Variants in NEBL observed in about 807,000 individuals in gnomAD.
NEBL encodes nebulette, also known as LIM and SH3 protein 2.
A neutral mutation model predicts 140.2 loss-of-function variants in NEBL; 122 were observed. The ratio of observed to expected loss-of-function variants is 0.87; its 90% CI spans 0.75 to 1.01. The LOEUF is 1.01. Among genes scored for constraint, NEBL ranks in the 50% least tolerant of loss-of-function variants. The pLI is 0.00. For missense variants in NEBL, 1,365 were observed against 1,231.3 expected, an observed-to-expected ratio of 1.11 and a Z score of -1.62; for synonymous variants, 436 against 398.9, an observed-to-expected ratio of 1.09 and a Z score of -1.11.
At chr10:21,045,650 A>G (rs1187479755) in intron 2 of NEBL, among the ~76,000 whole-genome samples, 1 of 152,234 alleles carries the variant, frequency 6.6e-6, no homozygotes, top group Non-Finnish European at 1.5e-5. Context: ...GGGAAATTCA[A>G]ATTAAAACCA....
chr10:20,947,452 T>C (rs1042952264), intron 4 of NEBL, among the ~76,000 whole-genome samples: 1 of 152,104 alleles, frequency 6.6e-6, no homozygotes, highest in Non-Finnish European at 1.5e-5. Flanking sequence ...TAGGACAACA[T>C]TCCCCTCCCC....
At chr10:21,231,488 G>A (rs1228168061) in intron 3 of NEBL, among the ~76,000 whole-genome samples, 1 of 151,956 alleles carries the variant, frequency 6.6e-6, no homozygotes, top group Admixed American at 6.6e-5. Flanking sequence ...GCAATGAGCC[G>A]AGATGGCGCC....
intron 2 of NEBL, among the ~76,000 whole-genome samples, chr10:21,047,282 C>T (rs1471605083): frequency 6.6e-6 from 1 of 152,206 alleles, no homozygotes; most frequent in Non-Finnish European, 1.5e-5. Context: ...ATGATTGAGA[C>T]ATTCCTTTGT....
intron 18 of NEBL, 120 bp downstream of exon 18, chr10:20,826,327 C>T (rs1264651899): frequency 1.4e-5 from 11 of 796,044 alleles, no homozygotes; most frequent in Non-Finnish European, 2.1e-5. Context: ...GATGAAATAG[C>T]ATTTCAATAA....
chr10:21,149,559 G>A (rs1177275024), intron 2 of NEBL, among the ~76,000 whole-genome samples: 1 of 152,220 alleles, frequency 6.6e-6, no homozygotes, highest in African/African-American at 2.4e-5. Flanking sequence ...CCAAAGTGCT[G>A]GGATTATAGG....
intron 4 of NEBL, among the ~76,000 whole-genome samples, chr10:20,960,649 G>A (rs569008929): frequency 7.9e-5 from 12 of 151,768 alleles, no homozygotes; most frequent in African/African-American, 2.4e-4. Flanking sequence ...GTGTGTATAT[G>A]TGTGTATATA....
chr10:20,908,251 A>G (rs1848184413), intron 4 of NEBL, among the ~76,000 whole-genome samples: 1 of 152,250 alleles, frequency 6.6e-6, no homozygotes, highest in Non-Finnish European at 1.5e-5. Context: ...TACTACTTCC[A>G]AATCTGCTAG....
chr10:20,859,242 A>T (rs761466661), intron 8 of NEBL, among the ~76,000 whole-genome samples: 1 of 152,112 alleles, frequency 6.6e-6, no homozygotes, highest in African/African-American at 2.4e-5. Flanking sequence ...AACAAATCAC[A>T]TAAGGAAGTA....
intron 1 of NEBL, among the ~76,000 whole-genome samples, chr10:21,285,776 G>A (rs893069139): frequency 6.6e-6 from 1 of 152,194 alleles, no homozygotes; most frequent in Admixed American, 6.5e-5. Flanking sequence ...TAAGAATCAA[G>A]TAAGGCATCA....
At chr10:20,977,289 A>G (rs1391770641) in intron 3 of NEBL, among the ~76,000 whole-genome samples, 1 of 152,208 alleles carries the variant, frequency 6.6e-6, no homozygotes, top group Non-Finnish European at 1.5e-5. Context: ...GTGAGGCTGT[A>G]AGGGATTTTG....
chr10:21,179,030 T>A (rs1433631190), upstream of NEBL, among the ~76,000 whole-genome samples: 1 of 152,196 alleles, frequency 6.6e-6, no homozygotes, highest in African/African-American at 2.4e-5. Context: ...AAGTTAAGAA[T>A]GTTGAGACGA....
At chr10:20,866,323 C>T (rs916723374) in intron 7 of NEBL, among the ~76,000 whole-genome samples, 2 of 152,028 alleles carry the variant, frequency 1.3e-5, no homozygotes, top group African/African-American at 4.8e-5. Context: ...ATTACAAACG[C>T]ATTTAATGCC....
chr10:20,855,247 T>C (rs1411660370), intron 9 of NEBL, among the ~76,000 whole-genome samples: 1 of 150,616 alleles, frequency 6.6e-6, no homozygotes, highest in Non-Finnish European at 1.5e-5. Context: ...AAAAAAGTGT[T>C]TTTTTTTTAA....
chr10:20,956,096 G>T (rs982055568), intron 4 of NEBL, among the ~76,000 whole-genome samples: 1 of 152,106 alleles, frequency 6.6e-6, no homozygotes, highest in Non-Finnish European at 1.5e-5. Flanking sequence ...AAAAAGAAGA[G>T]ATCAGCCTTT....
At chr10:21,185,471 G>A (rs567153700) in intron 3 of NEBL, among the ~76,000 whole-genome samples, 11 of 146,086 alleles carry the variant, frequency 7.5e-5, no homozygotes, top group African/African-American at 1.5e-4. Flanking sequence ...CTTCTCTTTC[G>A]GTTCCATTTT....
At chr10:21,048,288 C>T (rs538152241) in intron 2 of NEBL, among the ~76,000 whole-genome samples, 1 of 152,188 alleles carries the variant, frequency 6.6e-6, no homozygotes, top group African/African-American at 2.4e-5. Flanking sequence ...TACCAAATTC[C>T]TTCAAGGAGA....
intron 18 of NEBL, among the ~76,000 whole-genome samples, chr10:20,824,882 C>A (rs531499414): frequency 6.6e-6 from 1 of 152,098 alleles, no homozygotes; most frequent in Non-Finnish European, 1.5e-5. Flanking sequence ...CACAGTACAT[C>A]GATGGGTGCA....
intron 4 of NEBL, among the ~76,000 whole-genome samples, chr10:20,943,684 A>G (rs927128596): frequency 3.3e-5 from 5 of 152,248 alleles, no homozygotes; most frequent in African/African-American, 9.6e-5. Flanking sequence ...ATGTCCTGCT[A>G]CAATGCAAAG....
intron 7 of NEBL, 73 bp downstream of exon 7, chr10:20,868,591 G>T: frequency 9.9e-7 from 1 of 1,006,798 alleles, no homozygotes; most frequent in Non-Finnish European, 1.6e-6. Flanking sequence ...TATCTAAAAT[G>T]CAATATTCTC....
Sources: gnomAD v4.1 joint callset for allele counts (sites outside exome capture counted in the v4.1 genomes callset) on GRCh38, gnomAD v4.1.1 for gene constraint, MANE v1.5 for transcripts, NCBI Gene and HGNC (gene_info 2026-07-23, HGNC 2026-07-21) for gene names.